The following DAB1 variants were observed in gnomAD, a reference collection of about 807,000 sequenced individuals.
DAB1 encodes DAB adaptor protein 1, also known as disabled homolog 1.
DAB1 carries 15 observed loss-of-function variants against 64.6 expected under a neutral mutation model. The ratio of observed to expected loss-of-function variants is 0.23; its 90% CI spans 0.16 to 0.36. The LOEUF is 0.36. DAB1 is among the 10% of genes least tolerant of loss of function. The pLI, the probability that DAB1 is intolerant of heterozygous loss-of-function variation, is 1.00. For missense variants in DAB1, 596 were observed against 706.7 expected (o/e 0.84, Z 1.78); for synonymous variants, 235 against 251.9 (o/e 0.93, Z 0.64).
At chr1:57,096,628 C>G (rs1433578781) in intron 4 of DAB1, among the ~76,000 whole-genome samples, 2 of 152,148 alleles carry the variant, frequency 1.3e-5, no homozygotes, top group Non-Finnish European at 2.9e-5. Context: ...AGGTGCCTTG[C>G]CTGACCACCC....
intron 7 of DAB1, among the ~76,000 whole-genome samples, chr1:57,497,494 G>A (rs1644244210): frequency 6.6e-6 from 1 of 152,190 alleles, no homozygotes; most frequent in Non-Finnish European, 1.5e-5. Context: ...GGAGTTTCTA[G>A]TCTAGTGATG....
intron 4 of DAB1, among the ~76,000 whole-genome samples, chr1:57,095,366 T>C (rs937090523): frequency 2.0e-5 from 3 of 152,206 alleles, no homozygotes; most frequent in African/African-American, 7.2e-5. Context: ...AATGAGACTG[T>C]GACATTTTAC....
At chr1:57,387,619 C>T (rs896674399) in intron 1 of DAB1, among the ~76,000 whole-genome samples, 52 of 151,958 alleles carry the variant, frequency 3.4e-4, no homozygotes, top group Non-Finnish European at 5.9e-5. Flanking sequence ...ATCAGGAGTT[C>T]GTGAGTAGCT....
intron 1 of DAB1, among the ~76,000 whole-genome samples, chr1:57,318,723 G>A (rs1675428839): frequency 8.7e-6 from 1 of 115,086 alleles, no homozygotes; most frequent in Non-Finnish European, 1.7e-5. Flanking sequence ...TGTTTACCCG[G>A]TAATTTGCAA....
chr1:57,918,946 T>C (rs1476681997), intron 5 of DAB1, among the ~76,000 whole-genome samples: 1 of 152,202 alleles, frequency 6.6e-6, no homozygotes, highest in East Asian at 1.9e-4. Flanking sequence ...CGTGAGTTTT[T>C]GTCAGGACAA....
intron 4 of DAB1, among the ~76,000 whole-genome samples, chr1:58,323,852 G>A (rs1353058405): frequency 6.6e-6 from 1 of 150,626 alleles, no homozygotes; most frequent in African/African-American, 2.5e-5. Flanking sequence ...GTGAATCTGG[G>A]AGGTGGAGCT....
chr1:57,433,640 G>GA (rs1318401147), intron 7 of DAB1, among the ~76,000 whole-genome samples: 1 of 151,966 alleles, frequency 6.6e-6, no homozygotes, highest in Admixed American at 6.6e-5. Context: ...CTGAACATGA[G>GA]AAAATGCTGA....
chr1:57,329,463 A>G (rs1019243316), intron 1 of DAB1, among the ~76,000 whole-genome samples: 7 of 151,944 alleles, frequency 4.6e-5, no homozygotes, highest in Admixed American at 3.3e-4. Flanking sequence ...CTCCCTTTCC[A>G]GTGTTGCCTT....
intron 5 of DAB1, among the ~76,000 whole-genome samples, chr1:58,066,503 G>C (rs538234915): frequency 3.7e-4 from 56 of 152,304 alleles, no homozygotes; most frequent in African/African-American, 1.3e-3. Context: ...CATTATGCCA[G>C]GCCCTGTTCT....
At chr1:58,530,409 T>C (rs1646416642) in intron 1 of DAB1, among the ~76,000 whole-genome samples, 1 of 152,230 alleles carries the variant, frequency 6.6e-6, no homozygotes, top group African/African-American at 2.4e-5. Context: ...ATTTGAGAGA[T>C]GTAGTATTCC....
At chr1:58,208,115 T>C (rs1658372812) in intron 4 of DAB1, among the ~76,000 whole-genome samples, 1 of 152,060 alleles carries the variant, frequency 6.6e-6, no homozygotes, top group African/African-American at 2.4e-5. Flanking sequence ...TAGAGGTAAC[T>C]GCCCCCATGA....
At chr1:57,427,752 G>C (rs1685344281), upstream of DAB1, among the ~76,000 whole-genome samples, 1 of 152,136 alleles carries the variant, frequency 6.6e-6, no homozygotes, top group East Asian at 1.9e-4. Flanking sequence ...TATTTAAGAT[G>C]TACAAGATGA....
At chr1:57,890,252 G>T (rs1370969705) in intron 5 of DAB1, among the ~76,000 whole-genome samples, 1 of 152,070 alleles carries the variant, frequency 6.6e-6, no homozygotes, top group African/African-American at 2.4e-5. Context: ...CAGTCTTTGA[G>T]GGGGTAATAC....
chr1:57,780,088 T>C (rs1649994400), intron 6 of DAB1, among the ~76,000 whole-genome samples: 1 of 152,174 alleles, frequency 6.6e-6, no homozygotes, highest in Non-Finnish European at 1.5e-5. Flanking sequence ...TGGGATTTCA[T>C]GGCTCCAAAC....
chr1:57,030,234 A>C (rs989515546), intron 9 of DAB1, among the ~76,000 whole-genome samples: 3 of 152,140 alleles, frequency 2.0e-5, no homozygotes, highest in Admixed American at 2.0e-4. Flanking sequence ...GCCATGCGAG[A>C]AGTGCCCTTT....
intron 6 of DAB1, among the ~76,000 whole-genome samples, chr1:57,767,200 G>C (rs1649351089): frequency 6.6e-6 from 1 of 152,044 alleles, no homozygotes; most frequent in African/African-American, 2.4e-5. Flanking sequence ...TTAGTCACCT[G>C]GTTGGATCCT....
chr1:57,319,217 GATTGAAGCGGGGAACC>G (rs1384023935), intron 1 of DAB1, among the ~76,000 whole-genome samples: 2 of 152,188 alleles, frequency 1.3e-5, no homozygotes, highest in African/African-American at 4.8e-5. Context: ...CTTGCTTGGG[GATTGAAGCGGGGAACC>G]ATTGAGATGG....
At chr1:57,248,457 A>C (rs184777596) in intron 2 of DAB1, among the ~76,000 whole-genome samples, 152 of 152,264 alleles carry the variant, frequency 1.0e-3, no homozygotes, top group Non-Finnish European at 1.7e-3. Flanking sequence ...TGTTTAGCTA[A>C]TAGTATATAT....
intron 3 of DAB1, among the ~76,000 whole-genome samples, chr1:58,384,768 T>G (rs112789873): frequency 6.6e-6 from 1 of 152,214 alleles, no homozygotes; most frequent in Non-Finnish European, 1.5e-5. Context: ...GTCCAAAAGC[T>G]GAATAACTTC....
Sources: gnomAD v4.1 joint callset for allele counts (sites outside exome capture counted in the v4.1 genomes callset) on GRCh38, gnomAD v4.1.1 for gene constraint, MANE v1.5 for transcripts, NCBI Gene and HGNC (gene_info 2026-07-23, HGNC 2026-07-21) for gene names.